The following CNGA3 variants were observed in gnomAD, a reference collection of about 807,000 sequenced individuals.
The protein encoded by CNGA3 is cyclic nucleotide gated channel subunit alpha 3, also known as cyclic nucleotide-gated channel alpha-3.
CNGA3 carries 42 observed loss-of-function variants against 46.6 expected under a neutral mutation model. The observed-to-expected ratio is 0.90, with a 90% CI of 0.70 to 1.17. The LOEUF is 1.17. Ranked by LOEUF, CNGA3 falls within the 50% of genes most tolerant of loss-of-function variation. CNGA3 has a pLI of 0.00. For missense variants in CNGA3, 893 were observed against 890.7 expected (o/e 1.00, Z -0.03); for synonymous variants, 394 against 369.4 (o/e 1.07, Z -0.76).
chr2:98,366,349 C>T (rs983261749), intron 1 of CNGA3, among the ~76,000 whole-genome samples: 7 of 152,238 alleles, frequency 4.6e-5, no homozygotes, highest in Admixed American at 3.9e-4. Context: ...CTGCTGACCC[C>T]TGTTGAGGGG....
rs767042012 is a variant in CNGA3 at position 98,397,303 on chromosome 2, C to T, written c.*48C>T. 3.0e-5 allele frequency: 47 copies of T among 1,571,414 alleles called. No individual in the cohort carries two copies. Among genetic ancestry groups the T allele is most frequent in the Non-Finnish European group, 3.8e-5 (43 of 1,146,404 alleles). The stretch of plus-strand genomic sequence containing the variant: ...TTCACAGGGTCGACTGTCAGGGTGA[C>T]CGTATGTGGCCGCAGCTGTGTGGCA... On this transcript the variant is annotated 3_prime_UTR_variant, in exon 8 of 8. Coordinates refer to ENST00000272602, the MANE Select transcript of CNGA3 (RefSeq NM_001298.3).
chr2:98,389,475 C>T lies in CNGA3; in HGVS notation c.450-183C>T, dbSNP rs149981286. On this transcript the variant is annotated intron_variant, in intron 5 of 7. Transcript: ENST00000272602. ...GGAGAGAAGGACCTCTGGAGTCTACCCTACCTCCTGGCCTGCCTTCCCCTA... is the reference window on the plus strand; with the variant it reads ...GGAGAGAAGGACCTCTGGAGTCTACTCTACCTCCTGGCCTGCCTTCCCCTA... Among the ~76,000 whole-genome samples the T allele has an allele frequency of 3.0e-4, 45 of 152,274 alleles. No homozygotes were observed. The East Asian group carries it at 7.5e-3, about 25-fold the overall frequency.
chr2:98,368,922 GA>G (rs1574369082), intron 1 of CNGA3, among the ~76,000 whole-genome samples: 1 of 152,294 alleles, frequency 6.6e-6, no homozygotes, highest in East Asian at 1.9e-4. Context: ...TTAGAAATGT[GA>G]AAACCTGAAA....
intron 4 of CNGA3, among the ~76,000 whole-genome samples, chr2:98,383,022 C>T (rs552040923): frequency 1.3e-5 from 2 of 152,310 alleles, no homozygotes; most frequent in Admixed American, 6.5e-5. Context: ...GCAGAGGCCA[C>T]GCAGGGTCCA....
chr2:98,348,107 C>T (rs1691684153), intron 1 of CNGA3, among the ~76,000 whole-genome samples: 1 of 152,154 alleles, frequency 6.6e-6, no homozygotes, highest in African/African-American at 2.4e-5. Context: ...AGCTTCTTTG[C>T]GTTCTTTGGG....
At chr2:98,390,720 G>A (rs1692764475) in intron 6 of CNGA3, among the ~76,000 whole-genome samples, 1 of 152,128 alleles carries the variant, frequency 6.6e-6, no homozygotes, top group Admixed American at 6.5e-5. Flanking sequence ...ACAAGGAGGA[G>A]GGATGACCTG....
In CNGA3 at chr2:98,397,006, C is replaced by T. The variant is rs757986660; in HGVS notation, c.1836C>T (p.Ile612=). 8 of 1,613,940 alleles carry T rather than the reference C, an allele frequency of 5.0e-6. No individual in the cohort carries two copies. Among genetic ancestry groups the T allele is most frequent in the East Asian group, 4.5e-5 (2 of 44,878 alleles). ...AGATCCTGATGAAAGACAACCTGAT[C>T]GATGAGGAGCTGGCCAGGGCGGGCG... The part of the protein sequence containing the change: ...GRQILMKDNL[I]DEELARAGAD... The change falls in exon 8 of 8, where the codon ATC becomes ATT. Residue 612 remains isoleucine, a synonymous_variant. Transcript: ENST00000272602.
rs545932049 is a variant in CNGA3 at position 98,369,945 on chromosome 2, T to A, written c.-31T>A. On this transcript the variant is annotated 5_prime_UTR_variant, in exon 2 of 8. Coordinates refer to ENST00000272602, the MANE Select transcript of CNGA3 (RefSeq NM_001298.3). ...CTTTGTGTTCACATTTTAGCAATCA[T>A]CTGGGGGGCTAAATGTGACAAACCG... The A allele has an allele frequency of 2.9e-5, 45 of 1,565,394 alleles. No individual in the cohort carries two copies. The South Asian group carries it at 5.0e-4, about 17-fold the overall frequency.
In CNGA3 at chr2:98,391,958, C is replaced by T. The variant is rs770713600; in HGVS notation, c.661C>T (p.Arg221Ter). The change falls in exon 7 of 8, where the codon CGA becomes TGA. Residue 221 changes from arginine to a stop codon, truncating the protein, a stop_gained. Transcript: ENST00000272602. LOFTEE classifies it low-confidence loss of function (END_TRUNC). ...CCTGTATGTCTTGGATGTGCTTGTA[C>T]GAGCTCGGACAGGTGAGTGTGCCCC... ...DVLYVLDVLV[R>*]ARTGFLEQGL... The T allele has an allele frequency of 5.5e-5, 89 of 1,613,750 alleles. No homozygotes were observed. The highest frequency in any genetic ancestry group is 7.0e-5 in the Non-Finnish European group (83 of 1,179,956).
chr2:98,371,039 G>T (rs1029771288), intron 2 of CNGA3, among the ~76,000 whole-genome samples: 2 of 152,022 alleles, frequency 1.3e-5, no homozygotes, highest in Admixed American at 1.3e-4. Flanking sequence ...TGGCCATGTT[G>T]GTCTCGAACT....
intron 1 of CNGA3, among the ~76,000 whole-genome samples, chr2:98,363,399 C>T (rs1396225749): frequency 6.6e-6 from 1 of 152,162 alleles, no homozygotes; most frequent in Non-Finnish European, 1.5e-5. Flanking sequence ...GTATCTGACT[C>T]TCTTTGTAGA....
intron 1 of CNGA3, among the ~76,000 whole-genome samples, chr2:98,367,694 T>C (rs1488591658): frequency 6.6e-6 from 1 of 152,122 alleles, no homozygotes; most frequent in Admixed American, 6.5e-5. Flanking sequence ...TGGGGCACTG[T>C]GTTCAGCACC....
At chr2:98,357,246 C>T (rs1177594353) in intron 1 of CNGA3, among the ~76,000 whole-genome samples, 3 of 152,278 alleles carry the variant, frequency 2.0e-5, no homozygotes, top group East Asian at 1.9e-4. Flanking sequence ...CTCAGGCGTC[C>T]GGGCCAATGA....
intron 5 of CNGA3, among the ~76,000 whole-genome samples, chr2:98,386,493 G>A (rs1692658235): frequency 6.6e-6 from 1 of 152,248 alleles, no homozygotes; most frequent in Non-Finnish European, 1.5e-5. Flanking sequence ...CACGTAAGAT[G>A]TGACTTTGCT....
chr2:98,348,647 T>C (rs1691700032), intron 1 of CNGA3, among the ~76,000 whole-genome samples: 1 of 152,212 alleles, frequency 6.6e-6, no homozygotes, highest in Non-Finnish European at 1.5e-5. Context: ...AAGGTTGAGA[T>C]GGGCCATGCT....
intron 1 of CNGA3, among the ~76,000 whole-genome samples, chr2:98,348,927 C>T (rs1691708511): frequency 6.6e-6 from 1 of 152,132 alleles, no homozygotes; most frequent in Non-Finnish European, 1.5e-5. Context: ...TGACTGACTC[C>T]TGGTCAGGGT....
intron 1 of CNGA3, among the ~76,000 whole-genome samples, chr2:98,359,790 C>A (rs924678828): frequency 6.6e-6 from 1 of 152,202 alleles, no homozygotes; most frequent in Admixed American, 6.5e-5. Context: ...TGCTCCTTGG[C>A]CATCCTTGGG....
At chr2:98,388,651 A>G (rs1692715085) in intron 5 of CNGA3, among the ~76,000 whole-genome samples, 1 of 152,204 alleles carries the variant, frequency 6.6e-6, no homozygotes, top group African/African-American at 2.4e-5. Flanking sequence ...TGCCCCTGTG[A>G]GCCTGCTCAT....
chr2:98,392,066 C>A (rs1051791901), intron 7 of CNGA3, 96 bp downstream of exon 7: 3 of 1,094,888 alleles, frequency 2.7e-6, no homozygotes, highest in Non-Finnish European at 1.4e-6. Context: ...TACCCTTGAC[C>A]ATGAGAGGCC....
Sources: gnomAD v4.1 joint callset for allele counts (sites outside exome capture counted in the v4.1 genomes callset) on GRCh38, gnomAD v4.1.1 for gene constraint, MANE v1.5 for transcripts, NCBI Gene and HGNC (gene_info 2026-07-23, HGNC 2026-07-21) for gene names.